Variants in CDH13 observed in about 807,000 individuals in gnomAD.
The protein encoded by CDH13 is cadherin 13, also known as cadherin-13.
A neutral mutation model predicts 63.8 loss-of-function variants in CDH13; 24 were observed. That is an observed-to-expected ratio of 0.38 (90% CI 0.27 to 0.53). The LOEUF (loss-of-function observed/expected upper bound fraction) is 0.53, where lower values mean the gene tolerates loss of function less well. Among genes scored for constraint, CDH13 ranks in the 20% least tolerant of loss-of-function variants. The pLI, the probability that CDH13 is intolerant of heterozygous loss-of-function variation, is 0.85. For synonymous variants in CDH13, 503 were observed against 355.3 expected (o/e 1.42, Z -4.67); for missense variants, 1,049 against 903.1 (o/e 1.16, Z -2.07).
intron 2 of CDH13, among the ~76,000 whole-genome samples, chr16:82,880,770 T>C (rs2040674896): frequency 6.6e-6 from 1 of 152,192 alleles, no homozygotes; most frequent in South Asian, 2.1e-4. Context: ...CTAATATTGA[T>C]ATTAAGGTCA....
At chr16:82,919,643 G>T (rs1189391326) in intron 2 of CDH13, among the ~76,000 whole-genome samples, 2 of 152,134 alleles carry the variant, frequency 1.3e-5, no homozygotes, top group African/African-American at 4.8e-5. Context: ...CATGTTTATT[G>T]TGAATAGTGC....
At chr16:83,589,216 C>T (rs78893372) in intron 7 of CDH13, among the ~76,000 whole-genome samples, 4,050 of 151,332 alleles carry the variant, frequency 0.027, 218 homozygotes, top group African/African-American at 0.094. Context: ...TGTCTCTCCT[C>T]GTCTCCCTGT....
chr16:82,981,766 A>G (rs1463311088), intron 2 of CDH13, among the ~76,000 whole-genome samples: 1 of 152,172 alleles, frequency 6.6e-6, no homozygotes, highest in Non-Finnish European at 1.5e-5. Context: ...TTGCTGCAAC[A>G]TTGTGCCTTC....
intron 3 of CDH13, among the ~76,000 whole-genome samples, chr16:83,046,713 G>C (rs1445607404): frequency 6.6e-6 from 1 of 152,150 alleles, no homozygotes; most frequent in Non-Finnish European, 1.5e-5. Flanking sequence ...AAAAACTTCA[G>C]ACTGTCTTCC....
intron 6 of CDH13, among the ~76,000 whole-genome samples, chr16:83,430,100 T>G (rs1016777843): frequency 2.0e-5 from 3 of 152,222 alleles, no homozygotes; most frequent in African/African-American, 7.2e-5. Flanking sequence ...AGCTACCATG[T>G]GATCCAGCAG....
At chr16:82,902,537 C>T (rs189992677) in intron 2 of CDH13, among the ~76,000 whole-genome samples, 26 of 152,170 alleles carry the variant, frequency 1.7e-4, no homozygotes, top group African/African-American at 5.3e-4. Flanking sequence ...TTTCTTTCCT[C>T]GGGATTTATT....
chr16:83,670,078 A>G (rs1914367730), intron 8 of CDH13, among the ~76,000 whole-genome samples: 1 of 152,252 alleles, frequency 6.6e-6, no homozygotes, highest in South Asian at 2.1e-4. Flanking sequence ...AGGTACATCA[A>G]GGCTCCAAAC....
rs150971200 is a variant in CDH13 at position 82,712,318 on chromosome 16, T to A, written c.45+85181T>A. Among the ~76,000 whole-genome samples, 1,156 of 152,296 alleles carry A rather than the reference T, an allele frequency of 7.6e-3. 11 individuals carry two copies. The highest frequency in any genetic ancestry group is 0.012 in the Non-Finnish European group (815 of 68,030). On this transcript the variant is annotated intron_variant, in intron 1 of 13. Coordinates refer to ENST00000567109, the MANE Select transcript of CDH13 (RefSeq NM_001257.5). ...ATAGAATACATTTTATTCTGTCACT[T>A]TGAAGCACAAACCTCCACAAAGATT... is the stretch of plus-strand genomic sequence containing the variant.
chr16:82,664,734 G>A (rs1466208649), intron 1 of CDH13, among the ~76,000 whole-genome samples: 1 of 152,118 alleles, frequency 6.6e-6, no homozygotes, highest in Non-Finnish European at 1.5e-5. Flanking sequence ...TACTGGTTTG[G>A]TATGTAAAAC....
intron 5 of CDH13, among the ~76,000 whole-genome samples, chr16:83,236,793 C>T (rs1008799657): frequency 2.0e-5 from 3 of 152,176 alleles, no homozygotes; most frequent in African/African-American, 7.2e-5. Flanking sequence ...GCCATAGAAA[C>T]ACAAGTTAGA....
In CDH13 at chr16:83,098,219, C is replaced by T. The variant is rs913152150; in HGVS notation, c.367-27166C>T. 2.1e-4 allele frequency among the ~76,000 whole-genome samples: 32 copies of T among 152,288 alleles called. 1 individual carries two copies. In the South Asian group the frequency reaches 3.5e-3, roughly 17 times the overall value. On this transcript the variant is annotated intron_variant, in intron 3 of 13. Transcript: ENST00000567109. ...TATACATCTTTAACTTATCACAGTTCGTGTTAAATAATATTATAGCATTTC... is the reference window on the plus strand; with the variant it reads ...TATACATCTTTAACTTATCACAGTTTGTGTTAAATAATATTATAGCATTTC...
intron 2 of CDH13, among the ~76,000 whole-genome samples, chr16:82,906,278 A>T (rs2041645483): frequency 6.6e-6 from 1 of 152,202 alleles, no homozygotes; most frequent in African/African-American, 2.4e-5. Context: ...CTAAGCTTAT[A>T]GCTTAGCAGA....
intron 1 of CDH13, among the ~76,000 whole-genome samples, chr16:82,672,148 G>C (rs1328483195): frequency 6.6e-6 from 1 of 152,190 alleles, no homozygotes; most frequent in Non-Finnish European, 1.5e-5. Flanking sequence ...TCCCAACTGT[G>C]AGTTTGAGCA....
chr16:83,066,362 C>T (rs1349260669), intron 3 of CDH13, among the ~76,000 whole-genome samples: 1 of 152,098 alleles, frequency 6.6e-6, no homozygotes, highest in African/African-American at 2.4e-5. Context: ...ATGCAGGCTT[C>T]CCAAGATGTG....
intron 7 of CDH13, among the ~76,000 whole-genome samples, chr16:83,578,578 TAAG>T (rs1284068623): frequency 6.6e-6 from 1 of 152,192 alleles, no homozygotes; most frequent in Non-Finnish European, 1.5e-5. Flanking sequence ...GGAGAGGTAC[TAAG>T]GGCAGTAAAT....
chr16:83,570,829 A>T (rs550641360), intron 7 of CDH13, among the ~76,000 whole-genome samples: 3 of 97,602 alleles, frequency 3.1e-5, no homozygotes, highest in Non-Finnish European at 7.1e-5. Flanking sequence ...AATATAAATA[A>T]AAATTTATAT....
At chr16:83,142,920 A>G (rs1225746390) in intron 4 of CDH13, among the ~76,000 whole-genome samples, 2 of 152,318 alleles carry the variant, frequency 1.3e-5, no homozygotes, top group East Asian at 1.9e-4. Context: ...CCTGACCCAC[A>G]TGAAGAAACC....
At chr16:83,091,073 G>A (rs563163788) in intron 3 of CDH13, among the ~76,000 whole-genome samples, 76 of 151,866 alleles carry the variant, frequency 5.0e-4, no homozygotes, top group African/African-American at 1.7e-3. Flanking sequence ...TATTTTTAAA[G>A]ACTGTACAAT....
intron 10 of CDH13, among the ~76,000 whole-genome samples, chr16:83,706,034 G>A (rs1202266178): frequency 6.6e-6 from 1 of 152,150 alleles, no homozygotes; most frequent in African/African-American, 2.4e-5. Flanking sequence ...AATGGCTCAG[G>A]AATGTGAGCA....
Sources: allele counts gnomAD v4.1 joint callset (sites outside exome capture counted in the v4.1 genomes callset), GRCh38; gene constraint gnomAD v4.1.1; transcripts MANE v1.5; gene names NCBI Gene and HGNC (gene_info 2026-07-23, HGNC 2026-07-21).